Variants in OR6N1 observed in about 807,000 individuals in gnomAD.
OR6N1 encodes the protein olfactory receptor family 6 subfamily N member 1.
For missense variants in OR6N1, 394 were observed against 371.7 expected (o/e 1.06, Z -0.49); for synonymous variants, 170 against 150.7 (o/e 1.13, Z -0.94).
At chr1:158,807,109 G>A in the OR6N1 span, among the ~76,000 whole-genome samples, 1 of 151,688 alleles carries the variant, frequency 6.6e-6, no homozygotes, top group East Asian at 1.9e-4. Context: ...TTTACAGACA[G>A]AGAGAATGAG....
At chr1:158,768,157 T>G (rs1334307260) in intron 1 of OR6N1, among the ~76,000 whole-genome samples, 1 of 152,154 alleles carries the variant, frequency 6.6e-6, no homozygotes, top group Non-Finnish European at 1.5e-5. Context: ...TAATCTTTTT[T>G]TTTTCTCTTC....
chr1:158,793,691 G>A, the OR6N1 span, among the ~76,000 whole-genome samples: 12 of 152,262 alleles, frequency 7.9e-5, no homozygotes, highest in Non-Finnish European at 1.2e-4. Context: ...ATTCCTCAGT[G>A]GTGTGCACTT....
At chr1:158,769,275 C>T (rs1317775973) in intron 1 of OR6N1, among the ~76,000 whole-genome samples, 1 of 151,912 alleles carries the variant, frequency 6.6e-6, no homozygotes, top group East Asian at 1.9e-4. Flanking sequence ...GCAATCCTCC[C>T]ACCTCCACCC....
the OR6N1 span, among the ~76,000 whole-genome samples, chr1:158,836,106 T>C: frequency 1.3e-5 from 2 of 151,718 alleles, no homozygotes; most frequent in Admixed American, 6.6e-5. Context: ...TAAATAAATT[T>C]AACGTGCTAT....
At chr1:158,787,608 ATCTATCTC>A in the OR6N1 span, among the ~76,000 whole-genome samples, 1 of 140,500 alleles carries the variant, frequency 7.1e-6, no homozygotes, top group Admixed American at 7.1e-5. Flanking sequence ...CTCTCTCTCT[ATCTATCTC>A]TCTATCTCTC....
the OR6N1 span, among the ~76,000 whole-genome samples, chr1:158,807,562 C>T: frequency 6.6e-6 from 1 of 152,190 alleles, no homozygotes; most frequent in African/African-American, 2.4e-5. Flanking sequence ...TTTTCTCCAT[C>T]AAACTACATT....
At chr1:158,816,931 C>T in the OR6N1 span, among the ~76,000 whole-genome samples, 26,423 of 152,140 alleles carry the variant, frequency 0.17, 2,531 homozygotes, top group Admixed American at 0.26. Context: ...AAAGAGAACG[C>T]GGCTGAGAAA....
At chr1:158,780,588 T>G in the OR6N1 span, among the ~76,000 whole-genome samples, 1 of 152,220 alleles carries the variant, frequency 6.6e-6, no homozygotes, top group East Asian at 1.9e-4. Flanking sequence ...TTATATGTGC[T>G]CAGAGAACTT....
In OR6N1 at chr1:158,765,789, C is replaced by T; in HGVS notation, c.894G>A (p.Lys298=). 6.2e-7 allele frequency: 1 copy of T among 1,614,154 alleles called. No homozygotes were observed. Among genetic ancestry groups the T allele is most frequent in the Admixed American group, 1.7e-5 (1 of 60,028 alleles). ...TCTTTAGCTGCCTCCTCACAGCCTC[C>T]TTGATCTCCTTGTTGCGCAAGCTGT... is the stretch of plus-strand genomic sequence containing the variant. ...FIYSLRNKEI[K]EAVRRQLKRI... Residue 298 remains lysine (K), a synonymous_variant, in exon 2 of 2, where the codon AAG becomes AAA. Transcript: ENST00000641846.
chr1:158,805,182 T>G, the OR6N1 span, among the ~76,000 whole-genome samples: 3 of 152,270 alleles, frequency 2.0e-5, no homozygotes, highest in Admixed American at 2.0e-4. Context: ...TGTTCTCTGA[T>G]GTACTTGAGT....
At chr1:158,791,469 A>ATT in the OR6N1 span, among the ~76,000 whole-genome samples, 83 of 127,336 alleles carry the variant, frequency 6.5e-4, no homozygotes, top group East Asian at 2.1e-3. Flanking sequence ...TATGATTTTG[A>ATT]TTTTTTTTTT....
chr1:158,780,653 G>A, the OR6N1 span, among the ~76,000 whole-genome samples: 1 of 152,120 alleles, frequency 6.6e-6, no homozygotes, highest in Admixed American at 6.5e-5. Context: ...TTTATAATAA[G>A]GTATTGAATA....
the OR6N1 span, among the ~76,000 whole-genome samples, chr1:158,784,604 C>G: frequency 2.0e-5 from 3 of 152,128 alleles, no homozygotes; most frequent in Admixed American, 1.3e-4. Context: ...CTCTGGTAAC[C>G]ACATTCTATT....
At chr1:158,771,787 T>G (rs76858362) in intron 1 of OR6N1, among the ~76,000 whole-genome samples, 8,394 of 152,296 alleles carry the variant, frequency 0.055, 321 homozygotes, top group Non-Finnish European at 0.074. Context: ...TTGTTCCAGT[T>G]TACACAGTTA....
chr1:158,815,804 G>A, the OR6N1 span, among the ~76,000 whole-genome samples: 3 of 152,138 alleles, frequency 2.0e-5, no homozygotes, highest in Non-Finnish European at 4.4e-5. Flanking sequence ...GTTTGCAGAT[G>A]AAGAAACTAA....
the OR6N1 span, among the ~76,000 whole-genome samples, chr1:158,788,623 G>A: frequency 1.3e-5 from 2 of 152,118 alleles, no homozygotes; most frequent in Non-Finnish European, 2.9e-5. Context: ...ATGGTAATTA[G>A]TATAGCCATC....
the OR6N1 span, among the ~76,000 whole-genome samples, chr1:158,784,796 C>CTGCAT: frequency 1.6e-4 from 24 of 152,228 alleles, no homozygotes; most frequent in African/African-American, 5.5e-4. Context: ...CATATATACA[C>CTGCAT]TGCATTTTCT....
the OR6N1 span, among the ~76,000 whole-genome samples, chr1:158,814,181 C>T: frequency 2.0e-5 from 3 of 152,196 alleles, no homozygotes; most frequent in South Asian, 6.2e-4. Flanking sequence ...ACTATATGAA[C>T]ATCCTAGATG....
At chr1:158,777,004 A>G, upstream of OR6N1, 1 of 1,614,176 alleles carries the variant, frequency 6.2e-7, no homozygotes, top group Non-Finnish European at 8.5e-7. Context: ...GATAAAGAAG[A>G]AAGTGATAAG....
Sources: allele counts gnomAD v4.1 joint callset (sites outside exome capture counted in the v4.1 genomes callset), GRCh38; gene constraint gnomAD v4.1.1; transcripts MANE v1.5; gene names NCBI Gene and HGNC (gene_info 2026-07-23, HGNC 2026-07-21).